VAV2: variants seen among roughly 807,000 people sequenced by gnomAD.
VAV2 encodes guanine nucleotide exchange factor VAV2.
A neutral mutation model predicts 132.5 loss-of-function variants in VAV2; 67 were observed. The ratio of observed to expected loss-of-function variants is 0.51; its 90% CI spans 0.42 to 0.62. The LOEUF is 0.62. Among genes scored for constraint, VAV2 ranks in the 20% least tolerant of loss-of-function variants. The pLI is 0.00. For missense variants in VAV2, 938 were observed against 1,153.6 expected, an observed-to-expected ratio of 0.81 and a Z score of 2.71; for synonymous variants, 492 against 443.5, an observed-to-expected ratio of 1.11 and a Z score of -1.37.
chr9:133,948,373 G>C (rs1338233653), intron 1 of VAV2, among the ~76,000 whole-genome samples: 1 of 152,244 alleles, frequency 6.6e-6, no homozygotes, highest in Non-Finnish European at 1.5e-5. Context: ...CCTTCGCCCA[G>C]CTGGGGTGCG....
At chr9:133,880,276 G>A (rs562322209) in intron 2 of VAV2, among the ~76,000 whole-genome samples, 7 of 152,360 alleles carry the variant, frequency 4.6e-5, no homozygotes, top group African/African-American at 9.6e-5. Flanking sequence ...GCAGCACGGG[G>A]AGGGAGAGTG....
intron 1 of VAV2, among the ~76,000 whole-genome samples, chr9:133,957,825 G>T (rs541415957): frequency 7.1e-6 from 1 of 140,026 alleles, no homozygotes; most frequent in African/African-American, 2.5e-5. Flanking sequence ...TATCTGTGTA[G>T]AAAGAAGTAG....
intron 1 of VAV2, among the ~76,000 whole-genome samples, chr9:133,979,227 T>TAA (rs2132284249): frequency 6.6e-6 from 1 of 152,082 alleles, no homozygotes; most frequent in Admixed American, 6.5e-5. Flanking sequence ...GACAGCCGGG[T>TAA]CCTCGGCCAA....
chr9:133,848,617 C>G (rs561495043), intron 3 of VAV2, among the ~76,000 whole-genome samples: 2 of 152,270 alleles, frequency 1.3e-5, no homozygotes, highest in Admixed American at 6.5e-5. Context: ...TGTCGAAACG[C>G]CGCTAAGCGC....
intron 2 of VAV2, among the ~76,000 whole-genome samples, chr9:133,920,201 C>T (rs1475545431): frequency 6.6e-6 from 1 of 152,182 alleles, no homozygotes; most frequent in East Asian, 1.9e-4. Context: ...CTAGTCAGCC[C>T]CAGAAAGGCC....
chr9:133,816,237 T>C (rs1305879743), intron 4 of VAV2, among the ~76,000 whole-genome samples: 1 of 152,238 alleles, frequency 6.6e-6, no homozygotes, highest in Non-Finnish European at 1.5e-5. Context: ...ACTAGTCAGA[T>C]ATGTTTTGTG....
intron 2 of VAV2, among the ~76,000 whole-genome samples, chr9:133,897,624 C>A (rs941668371): frequency 1.3e-5 from 2 of 152,054 alleles, no homozygotes; most frequent in African/African-American, 4.8e-5. Context: ...ACACAGGCCC[C>A]CCTCTGGGTG....
intron 2 of VAV2, among the ~76,000 whole-genome samples, chr9:133,891,798 GGAGGGAGGGA>G (rs1588324059): frequency 9.0e-5 from 5 of 55,648 alleles, no homozygotes; most frequent in Non-Finnish European, 1.9e-4. Flanking sequence ...GGTATGGAGG[GGAGGGAGGGA>G]GAGGGATGGA....
rs151086591 is a variant in VAV2 at position 133,954,106 on chromosome 9, C to T, written c.205-14887G>A. 3.2e-4 allele frequency among the ~76,000 whole-genome samples: 48 copies of T among 152,294 alleles called. 1 individual carries two copies. The highest frequency in any genetic ancestry group is 1.1e-3 in the African/African-American group (46 of 41,578). On this transcript the variant is annotated intron_variant, in intron 1 of 29. Coordinates refer to ENST00000371850, the MANE Select transcript of VAV2 (RefSeq NM_001134398.2). ...CAACAAACACGGCCGAAACCGTCAC[C>T]GAAAGCACTGCGCCTGTCTGCTGCT...
intron 3 of VAV2, among the ~76,000 whole-genome samples, chr9:133,854,521 G>A (rs1837315045): frequency 6.6e-6 from 1 of 152,252 alleles, no homozygotes; most frequent in African/African-American, 2.4e-5. Flanking sequence ...CCCTTGGCTT[G>A]TGCTACTGAC....
chr9:133,814,447 T>C (rs916969267), intron 4 of VAV2, among the ~76,000 whole-genome samples: 1 of 152,208 alleles, frequency 6.6e-6, no homozygotes, highest in African/African-American at 2.4e-5. Flanking sequence ...TCTTGACAGC[T>C]GGAGGCGAGG....
At chr9:133,913,665 A>G (rs1245782351) in intron 2 of VAV2, among the ~76,000 whole-genome samples, 1 of 152,194 alleles carries the variant, frequency 6.6e-6, no homozygotes, top group Non-Finnish European at 1.5e-5. Context: ...CTGAAGACCT[A>G]CAGGGAGGGG....
In VAV2 at chr9:133,918,964, G is replaced by A. The variant is rs897751093; in HGVS notation, c.321+20139C>T. On this transcript the variant is annotated intron_variant, in intron 2 of 29. Coordinates refer to ENST00000371850, the MANE Select transcript of VAV2 (RefSeq NM_001134398.2). The surrounding 1 kb of genome is among the most constrained non-coding windows in gnomAD (Gnocchi z 4.7). ...CTAATTTTGTATTTTTAGTAGAGAC[G>A]GGGTTTCACCATGTTGTCCAGGCTG... 3.3e-5 allele frequency among the ~76,000 whole-genome samples: 5 copies of A among 152,006 alleles called. No homozygotes were observed. The highest frequency in any genetic ancestry group is 2.1e-4 in the South Asian group (1 of 4,808).
intron 12 of VAV2, among the ~76,000 whole-genome samples, chr9:133,792,375 G>A (rs1438328128): frequency 1.3e-5 from 2 of 150,864 alleles, no homozygotes; most frequent in South Asian, 2.1e-4. Context: ...GTGTGTGTGT[G>A]AGCGGGCTGT....
chr9:133,942,523 C>T (rs1300022472), intron 1 of VAV2, among the ~76,000 whole-genome samples: 1 of 152,270 alleles, frequency 6.6e-6, no homozygotes, highest in Non-Finnish European at 1.5e-5. Context: ...CGCTCATCTG[C>T]GCGGCTGCAT....
intron 13 of VAV2, 89 bp from the exon 14 acceptor site, chr9:133,789,432 A>G (rs1018784192): frequency 7.3e-6 from 9 of 1,236,892 alleles, no homozygotes; most frequent in African/African-American, 1.5e-5. Flanking sequence ...CGTGCACCCA[A>G]GGGAACTCCC....
intron 1 of VAV2, among the ~76,000 whole-genome samples, chr9:133,968,724 T>C (rs972431882): frequency 8.5e-5 from 13 of 152,186 alleles, no homozygotes; most frequent in African/African-American, 2.9e-4. Flanking sequence ...CTCGTGCAGC[T>C]TCAGACCATG....
rs115592259 is a variant in VAV2, at chr9:133,908,199, G to C, written c.321+30904C>G. 7.8e-3 allele frequency among the ~76,000 whole-genome samples: 1,186 copies of C among 151,924 alleles called. 18 individuals are homozygous for C. The highest frequency in any genetic ancestry group is 0.027 in the African/African-American group (1,110 of 41,404). On this transcript the variant is annotated intron_variant, in intron 2 of 29. Coordinates refer to ENST00000371850, the MANE Select transcript of VAV2 (RefSeq NM_001134398.2). ...GTGAGGGGTAGCCCTCCCCTTTGAA[G>C]TGGCACCATAGTCCTTGCGGCCACT...
At chr9:133,831,840 G>A (rs534282945) in intron 4 of VAV2, among the ~76,000 whole-genome samples, 40 of 152,222 alleles carry the variant, frequency 2.6e-4, no homozygotes, top group Non-Finnish European at 5.1e-4. Flanking sequence ...GTGGTGGGGG[G>A]CTAGGGTTAA....
Sources: gnomAD v4.1 joint callset for allele counts (sites outside exome capture counted in the v4.1 genomes callset) on GRCh38, gnomAD v4.1.1 for gene constraint, Gnocchi (gnomAD v3.1) non-coding constraint, MANE v1.5 for transcripts, NCBI Gene and HGNC (gene_info 2026-07-23, HGNC 2026-07-21) for gene names.